The following IP6K2 variants were observed in gnomAD, a reference collection of about 807,000 sequenced individuals.
IP6K2 encodes the protein inositol hexakisphosphate kinase 2.
IP6K2 carries 9 observed loss-of-function variants against 43.3 expected under a neutral mutation model. That is an observed-to-expected ratio of 0.21 (90% CI 0.13 to 0.36). IP6K2 has a LOEUF of 0.36. Among genes scored for constraint, IP6K2 ranks in the 10% least tolerant of loss-of-function variants. The probability of loss-of-function intolerance (pLI) is 1.00; values close to 1 mark genes in which losing one functional copy is unlikely to be tolerated. For missense variants in IP6K2, 332 were observed against 538.4 expected, an observed-to-expected ratio of 0.62 and a Z score of 3.79; for synonymous variants, 209 against 202.4, an observed-to-expected ratio of 1.03 and a Z score of -0.28.
Position 48,695,296 on chromosome 3 carries a change from C to G in IP6K2, c.-5G>C. 5 of 1,599,286 alleles carry G rather than the reference C, an allele frequency of 3.1e-6. No homozygotes were observed. Among genetic ancestry groups the G allele is most frequent in the South Asian group, 1.1e-5 (1 of 90,190 alleles). ...GGCCCTGAAGGCTGGGCTCATCCTC[C>G]GGGCGCAGATGGCGGGGAGATGGGG... On this transcript the variant is annotated 5_prime_UTR_variant, in exon 2 of 6. Transcript: ENST00000328631. This position sits in a 1 kb window ranked among gnomAD's most constrained non-coding sequence, Gnocchi z 4.6.
chr3:48,694,050 CTCAGTCCTCG>C (rs2078031579), intron 2 of IP6K2: 2 of 1,441,150 alleles, frequency 1.4e-6, no homozygotes, highest in South Asian at 3.0e-5. Context: ...ACTCAATCTG[CTCAGTCCTCG>C]ACTGCTGCAG....
At chr3:48,709,845 A>T (rs1354617145) in intron 1 of IP6K2, among the ~76,000 whole-genome samples, 1 of 151,656 alleles carries the variant, frequency 6.6e-6, no homozygotes, top group East Asian at 1.9e-4. Context: ...TCAAAAAAAA[A>T]AAATTAATTA....
chr3:48,711,697 A>C (rs1448813350), intron 1 of IP6K2, among the ~76,000 whole-genome samples: 1 of 152,250 alleles, frequency 6.6e-6, no homozygotes, highest in African/African-American at 2.4e-5. Context: ...TAATTTAGGA[A>C]GATCATAATC....
intron 4 of IP6K2, among the ~76,000 whole-genome samples, chr3:48,690,296 A>G (rs1246348518): frequency 6.6e-6 from 1 of 152,254 alleles, no homozygotes; most frequent in Non-Finnish European, 1.5e-5. Flanking sequence ...CTTGCTGTTT[A>G]TGGCCTATAA....
chr3:48,710,051 C>T lies in IP6K2; in HGVS notation c.-131+7106G>A, dbSNP rs547279677. Among the ~76,000 whole-genome samples, 7 of 152,264 alleles carry T rather than the reference C, an allele frequency of 4.6e-5. No homozygotes were observed. The East Asian group carries it at 1.4e-3, about 29-fold the overall frequency. ...GGTCACACTGATCTCTTCAGAATCA[C>T]CCAGTTTGTGAGGAAAGCAGTGGAT... On this transcript the variant is annotated intron_variant, in intron 1 of 5. Transcript: ENST00000328631.
At chr3:48,710,406 A>G (rs1184718844) in intron 1 of IP6K2, among the ~76,000 whole-genome samples, 2 of 152,172 alleles carry the variant, frequency 1.3e-5, no homozygotes, top group East Asian at 3.8e-4. Flanking sequence ...AAAAGTAAAA[A>G]TAAGATTGCA....
chr3:48,688,138 G>A lies in IP6K2; in HGVS notation c.*135C>T. 2.3e-6 allele frequency: 2 copies of A among 866,212 alleles called. No homozygotes were observed. Among genetic ancestry groups the A allele is most frequent in the Non-Finnish European group, 3.7e-6 (2 of 542,788 alleles). 53.7% of individuals were successfully genotyped at this position (866,212 alleles called of 1,614,324 possible). On this transcript the variant is annotated 3_prime_UTR_variant, in exon 6 of 6. Coordinates refer to ENST00000328631, the MANE Select transcript of IP6K2 (RefSeq NM_016291.4). The surrounding 1 kb of genome is among the most constrained non-coding windows in gnomAD (Gnocchi z 5.1). ...GCACAGCTGGGACTGGCTCAGGCTG[G>A]GGCTCACAGAGGCCACTGCACATCA...
At chr3:48,690,771 G>C (rs4858799) in intron 4 of IP6K2, among the ~76,000 whole-genome samples, 91,949 of 144,126 alleles carry the variant, frequency 0.64, 30,106 homozygotes, top group East Asian at 0.96. Flanking sequence ...CCTGGGGGAC[G>C]AGCAAGACTC....
At chr3:48,713,330 C>G (rs996532750) in intron 1 of IP6K2, among the ~76,000 whole-genome samples, 4 of 152,162 alleles carry the variant, frequency 2.6e-5, no homozygotes, top group Admixed American at 2.0e-4. Flanking sequence ...AGGCAAGGAG[C>G]CATAACAGGT....
chr3:48,708,300 G>A (rs1204154677), intron 1 of IP6K2: 1 of 151,950 alleles, frequency 6.6e-6, no homozygotes, highest in African/African-American at 2.4e-5. Flanking sequence ...ATGTTTATCA[G>A]AATAACCTGC....
Position 48,695,566 on chromosome 3 carries a change from C to A in IP6K2, c.-130-145G>T. On this transcript the variant is annotated intron_variant, in intron 1 of 5. Transcript: ENST00000328631. The surrounding 1 kb of genome is among the most constrained non-coding windows in gnomAD (Gnocchi z 4.6). ...TCCGCCCATGCCACCCACCTTGGCC[C>A]CCGCCTTCTCCGGCAGAAAAACAAA... The A allele has an allele frequency of 9.0e-7, 1 of 1,109,354 alleles. No individual in the cohort carries two copies. The highest frequency in any genetic ancestry group is 1.6e-5 in the African/African-American group (1 of 62,586). The allele number at this position is 1,109,354 out of a possible 1,614,324, so 68.7% of individuals were successfully genotyped here.
intron 1 of IP6K2, among the ~76,000 whole-genome samples, chr3:48,698,807 T>C (rs1285874747): frequency 2.0e-5 from 3 of 151,990 alleles, no homozygotes; most frequent in African/African-American, 7.2e-5. Context: ...GGTGTAGTGG[T>C]GCATGCCTGG....
chr3:48,691,174 C>G, intron 4 of IP6K2, 133 bp downstream of exon 4: 1 of 727,160 alleles, frequency 1.4e-6, no homozygotes, highest in Non-Finnish European at 2.4e-6. Context: ...TCATACAGGT[C>G]CTGGAATAAC....
chr3:48,710,831 G>A (rs1465891392), intron 1 of IP6K2, among the ~76,000 whole-genome samples: 5 of 152,234 alleles, frequency 3.3e-5, no homozygotes, highest in African/African-American at 1.2e-4. Flanking sequence ...GGATGGTCTC[G>A]ATCTCCTGAC....
chr3:48,717,064 G>C lies in IP6K2; in HGVS notation c.-131+93C>G, dbSNP rs1334089310. On this transcript the variant is annotated intron_variant, in intron 1 of 5. Coordinates refer to ENST00000328631, the MANE Select transcript of IP6K2 (RefSeq NM_016291.4). ...GAAGTCTTTCCCAAATAACCTGGGA[G>C]ACTCCAATGATCAGAGATCCCGTTT... is the stretch of plus-strand genomic sequence containing the variant. 3.9e-5 allele frequency: 6 copies of C among 154,912 alleles called. No individual in the cohort carries two copies. In the Admixed American group the frequency reaches 3.9e-4, roughly 10 times the overall value. The allele number at this position is 154,912 out of a possible 1,614,324, so 9.6% of individuals were successfully genotyped here. A position where few individuals can be genotyped will look rare whatever the true frequency, so the allele number is the denominator to read the frequency against.
rs979841371 is a variant in IP6K2, at chr3:48,694,694, C to T, written c.202+396G>A. 13 of 1,505,348 alleles carry T rather than the reference C, an allele frequency of 8.6e-6. No individual in the cohort carries two copies. The African/African-American group carries it at 1.8e-4, about 21-fold the overall frequency. 93.2% of individuals were successfully genotyped at this position (1,505,348 alleles called of 1,614,324 possible). A position where few individuals can be genotyped will look rare whatever the true frequency, so the allele number is the denominator to read the frequency against. ...GACTCAACGCTGCTCCCCGGCCTAC[C>T]TAATTACCCGGGCTTCTGGTTTCCT... On this transcript the variant is annotated intron_variant, in intron 2 of 5. Transcript: ENST00000328631.
chr3:48,710,544 T>C (rs1394537568), intron 1 of IP6K2, among the ~76,000 whole-genome samples: 1 of 152,172 alleles, frequency 6.6e-6, no homozygotes, highest in Non-Finnish European at 1.5e-5. Context: ...AGATAAATCA[T>C]CCTAGGGGTC....
intron 1 of IP6K2, among the ~76,000 whole-genome samples, chr3:48,704,714 C>A (rs2079496541): frequency 6.6e-6 from 1 of 152,150 alleles, no homozygotes. Context: ...TTCAAGTGAT[C>A]CTCCTGCCTT....
At chr3:48,694,667 C>T (rs2106820651) in intron 2 of IP6K2, 4 of 1,505,936 alleles carry the variant, frequency 2.7e-6, no homozygotes, top group Non-Finnish European at 3.5e-6. Flanking sequence ...TGCATTCCAT[C>T]TGACTCAACG....
Sources: gnomAD v4.1 joint callset for allele counts (sites outside exome capture counted in the v4.1 genomes callset) on GRCh38, gnomAD v4.1.1 for gene constraint, Gnocchi (gnomAD v3.1) non-coding constraint, MANE v1.5 for transcripts, NCBI Gene and HGNC (gene_info 2026-07-23, HGNC 2026-07-21) for gene names.